Variants in CPNE5 observed in about 807,000 individuals in gnomAD.
The protein encoded by CPNE5 is copine 5.
CPNE5 carries 42 observed loss-of-function variants against 81.1 expected under a neutral mutation model. The observed-to-expected ratio is 0.52, with a 90% CI of 0.40 to 0.67. The LOEUF is 0.67. Among genes scored for constraint, CPNE5 ranks in the 30% least tolerant of loss-of-function variants. CPNE5 has a pLI of 0.00. For missense variants in CPNE5, 612 were observed against 815.5 expected (o/e 0.75, Z 3.04); for synonymous variants, 313 against 321.5 (o/e 0.97, Z 0.28).
chr6:36,777,763 C>A (rs144332307), intron 9 of CPNE5, among the ~76,000 whole-genome samples: 1 of 82,236 alleles, frequency 1.2e-5, no homozygotes, highest in African/African-American at 6.1e-5. Flanking sequence ...ACCCCCCCCC[C>A]CACCACACAC....
intron 8 of CPNE5, among the ~76,000 whole-genome samples, chr6:36,782,438 G>A (rs1232294757): frequency 6.6e-6 from 1 of 152,140 alleles, no homozygotes; most frequent in East Asian, 1.9e-4. Flanking sequence ...GAACTTGACA[G>A]GCCATAAGTT....
At position 36,743,110 on chromosome 6, in the gene CPNE5, A is replaced by T. The variant is rs562406147; in HGVS notation, c.1563+579T>A. ...ATACTGGGCCCCAATTTTTAAACCA[A>T]GGGGGTATGCAGGATGTCAGCTTTG... is the stretch of plus-strand genomic sequence containing the variant. On this transcript the variant is annotated intron_variant, in intron 20 of 20. Coordinates refer to ENST00000244751, the MANE Select transcript of CPNE5 (RefSeq NM_020939.2). 8.1e-6 allele frequency: 8 copies of T among 985,306 alleles called. No homozygotes were observed. The Admixed American group carries it at 4.9e-4, about 61-fold the overall frequency. The allele number at this position is 985,306 out of a possible 1,614,324, so 61.0% of individuals were successfully genotyped here.
intron 8 of CPNE5, among the ~76,000 whole-genome samples, chr6:36,784,732 G>A (rs1276855176): frequency 5.3e-5 from 8 of 152,000 alleles, no homozygotes; most frequent in Non-Finnish European, 7.4e-5. Flanking sequence ...GCCTGAGCCC[G>A]GGATTTCGAG....
rs1382151104 is a variant in CPNE5, at chr6:36,826,738, G to GT, written c.96-3641dup. Among the ~76,000 whole-genome samples the GT allele has an allele frequency of 2.6e-5, 4 of 152,204 alleles. No individual in the cohort carries two copies. The East Asian group carries it at 7.7e-4, about 29-fold the overall frequency. ...ATGGCCAGATGGGTGAGCGAAGCCCGTATCTCCCCACCTGGGTGGCACACG... is the reference window on the plus strand; with the variant it reads ...ATGGCCAGATGGGTGAGCGAAGCCCGTTATCTCCCCACCTGGGTGGCACACG... On this transcript the variant is annotated intron_variant, in intron 1 of 20. Transcript: ENST00000244751.
At chr6:36,765,419 C>A in intron 10 of CPNE5, 43 bp from the exon 11 acceptor site, 2 of 1,612,384 alleles carry the variant, frequency 1.2e-6, no homozygotes, top group South Asian at 1.1e-5. Context: ...CAACCCCACA[C>A]CCACGTGGCT....
chr6:36,757,014 C>G (rs1438968542), intron 12 of CPNE5, among the ~76,000 whole-genome samples: 1 of 152,060 alleles, frequency 6.6e-6, no homozygotes, highest in Non-Finnish European at 1.5e-5. Context: ...GAGTAGAGGC[C>G]AGGCATGCTG....
At chr6:36,792,419 T>C in intron 7 of CPNE5, 2 of 1,405,506 alleles carry the variant, frequency 1.4e-6, no homozygotes, top group South Asian at 1.2e-5. Flanking sequence ...GACCAGTGGT[T>C]CTCAAACTTT....
At position 36,743,159 on chromosome 6, in the gene CPNE5, G is replaced by A. The variant is rs116769355; in HGVS notation, c.1563+530C>T. On this transcript the variant is annotated intron_variant, in intron 20 of 20. Transcript: ENST00000244751. ...TGTCTTCTGCATCTCCTAAGCACTA[G>A]GGCCTCCTCTGCAGGGGATGAGTGG... 6.6e-4 allele frequency: 649 copies of A among 985,420 alleles called. 6 individuals carry two copies. In the African/African-American group the frequency reaches 0.011, roughly 16 times the overall value. 61.0% of individuals were successfully genotyped at this position (985,420 alleles called of 1,614,324 possible).
chr6:36,773,147 G>A (rs1767189853), intron 10 of CPNE5, among the ~76,000 whole-genome samples: 2 of 152,156 alleles, frequency 1.3e-5, no homozygotes, highest in African/African-American at 4.8e-5. Flanking sequence ...AAAGTGTTGG[G>A]ATTACAGGCG....
intron 6 of CPNE5, among the ~76,000 whole-genome samples, chr6:36,797,153 G>A (rs903698474): frequency 1.3e-5 from 2 of 152,322 alleles, no homozygotes; most frequent in African/African-American, 4.8e-5. Flanking sequence ...GCGATCCATC[G>A]CCTTGGCCTC....
At chr6:36,823,714 G>C (rs1314740613) in intron 1 of CPNE5, among the ~76,000 whole-genome samples, 1 of 152,158 alleles carries the variant, frequency 6.6e-6, no homozygotes, top group Non-Finnish European at 1.5e-5. Context: ...GGGACAGAAC[G>C]GTCTTTCAAC....
Position 36,748,237 on chromosome 6 carries a change from A to G in CPNE5, c.1002T>C (p.Asp334=). Residue 334 remains aspartate (D), a synonymous_variant, in exon 15 of 21, where the codon GAT becomes GAC. Transcript: ENST00000244751. ...GTQINFTVAI[D]FTASNGNPSQ... is the part of the protein sequence containing the mutation. ...CCAACTCACCATTGGAGGCAGTGAA[A>G]TCAATGGCCACAGTGAAGTTGATCT... The G allele has an allele frequency of 6.2e-7, 1 of 1,614,158 alleles. No individual in the cohort carries two copies. Among genetic ancestry groups the G allele is most frequent in the South Asian group, 1.1e-5 (1 of 91,084 alleles).
At chr6:36,754,624 G>A (rs1293478868) in intron 13 of CPNE5, 2 of 152,258 alleles carry the variant, frequency 1.3e-5, no homozygotes, top group Non-Finnish European at 2.9e-5. Context: ...GGGAAATGCT[G>A]GAGTAAAAGG....
At chr6:36,795,622 G>A (rs1769497632) in intron 6 of CPNE5, among the ~76,000 whole-genome samples, 1 of 152,206 alleles carries the variant, frequency 6.6e-6, no homozygotes, top group Admixed American at 6.5e-5. Flanking sequence ...ACACAGAGAT[G>A]AAAAAGAAGA....
rs112462465 is a variant in CPNE5, at chr6:36,799,778, T to C, written c.287+189A>G. ...CTGGGGTGAATGCCATTGTTCTCTC[T>C]CTTCTTCCCCCTTTCCATCTCTCCT... On this transcript the variant is annotated intron_variant, in intron 4 of 20. Coordinates refer to ENST00000244751, the MANE Select transcript of CPNE5 (RefSeq NM_020939.2). Among the ~76,000 whole-genome samples the C allele has an allele frequency of 3.8e-3, 574 of 152,310 alleles. 1 individual carries two copies. Among genetic ancestry groups the C allele is most frequent in the Non-Finnish European group, 6.6e-3 (447 of 68,026 alleles).
chr6:36,820,282 G>A (rs539555652), intron 3 of CPNE5, among the ~76,000 whole-genome samples: 2 of 150,546 alleles, frequency 1.3e-5, no homozygotes, highest in African/African-American at 2.4e-5. Context: ...TGTGGCAACA[G>A]CCACCATGGC....
At chr6:36,783,358 C>T (rs528944339) in intron 8 of CPNE5, among the ~76,000 whole-genome samples, 70 of 143,984 alleles carry the variant, frequency 4.9e-4, no homozygotes, top group African/African-American at 1.7e-3. Context: ...GTACATATAC[C>T]CCTGAACTTG....
chr6:36,772,086 T>C (rs377612906), intron 10 of CPNE5, among the ~76,000 whole-genome samples: 18 of 152,042 alleles, frequency 1.2e-4, no homozygotes, highest in African/African-American at 4.4e-4. Context: ...CCTTTCACTG[T>C]CCCTGACAAA....
intron 1 of CPNE5, among the ~76,000 whole-genome samples, chr6:36,825,999 G>A (rs971251155): frequency 6.6e-6 from 1 of 152,188 alleles, no homozygotes; most frequent in African/African-American, 2.4e-5. Context: ...TTACAAATCA[G>A]GACTGTGAGA....
Sources: allele counts gnomAD v4.1 joint callset (sites outside exome capture counted in the v4.1 genomes callset), GRCh38; gene constraint gnomAD v4.1.1; transcripts MANE v1.5; gene names NCBI Gene and HGNC (gene_info 2026-07-23, HGNC 2026-07-21).